Variants in ITGA9 observed in about 807,000 individuals in gnomAD.
The protein encoded by ITGA9 is integrin alpha-9.
A neutral mutation model predicts 127.8 loss-of-function variants in ITGA9; 56 were observed. The observed-to-expected ratio is 0.44, with a 90% CI of 0.35 to 0.55. The LOEUF (loss-of-function observed/expected upper bound fraction) is 0.55, where lower values mean the gene tolerates loss of function less well. Among genes scored for constraint, ITGA9 ranks in the 20% least tolerant of loss-of-function variants. The pLI is 0.00. For missense variants in ITGA9, 1,196 were observed against 1,347.1 expected, an observed-to-expected ratio of 0.89 and a Z score of 1.76; for synonymous variants, 508 against 514.5, an observed-to-expected ratio of 0.99 and a Z score of 0.17.
intron 1 of ITGA9, among the ~76,000 whole-genome samples, chr3:37,458,361 G>C (rs918497209): frequency 2.0e-5 from 3 of 152,200 alleles, no homozygotes; most frequent in African/African-American, 7.2e-5. Context: ...TTGGGGGCGG[G>C]TATTGCCTGT....
chr3:37,654,190 CCA>C (rs67516814), intron 17 of ITGA9, among the ~76,000 whole-genome samples: 25,049 of 146,186 alleles, frequency 0.17, 2,146 homozygotes, highest in Middle Eastern at 0.21. Flanking sequence ...CCTCCTGCCT[CCA>C]CACACACACA....
chr3:37,618,635 G>A (rs751434858), intron 15 of ITGA9, among the ~76,000 whole-genome samples: 20 of 152,206 alleles, frequency 1.3e-4, no homozygotes, highest in Non-Finnish European at 1.5e-4. Flanking sequence ...CAGCCACTTT[G>A]TTAACCTAGT....
chr3:37,557,205 G>C (rs1245764472), intron 15 of ITGA9, among the ~76,000 whole-genome samples: 4 of 152,144 alleles, frequency 2.6e-5, no homozygotes, highest in Non-Finnish European at 4.4e-5. Flanking sequence ...CTTTCTTGGG[G>C]CAAACAGAAT....
At chr3:37,678,309 A>G (rs1418830276) in intron 17 of ITGA9, among the ~76,000 whole-genome samples, 4 of 152,208 alleles carry the variant, frequency 2.6e-5, no homozygotes, top group Admixed American at 6.5e-5. Context: ...AAGGGTTTCA[A>G]TTTCTCCACA....
At chr3:37,635,910 C>T (rs1398184774) in intron 16 of ITGA9, among the ~76,000 whole-genome samples, 1 of 151,714 alleles carries the variant, frequency 6.6e-6, no homozygotes, top group Non-Finnish European at 1.5e-5. Context: ...CGATAGTTTG[C>T]TGAGAATGAT....
chr3:37,618,034 C>T (rs1003643357), intron 15 of ITGA9, among the ~76,000 whole-genome samples: 2 of 152,230 alleles, frequency 1.3e-5, no homozygotes, highest in Non-Finnish European at 2.9e-5. Context: ...GGAGGAGAGG[C>T]ACTCTCATTT....
At chr3:37,695,984 G>T (rs1700881339) in intron 18 of ITGA9, among the ~76,000 whole-genome samples, 1 of 152,196 alleles carries the variant, frequency 6.6e-6, no homozygotes, top group East Asian at 1.9e-4. Context: ...CCCTGATGGT[G>T]CTTTTTGGTT....
In ITGA9 at chr3:37,494,455, C is replaced by T. The variant is rs375012453; in HGVS notation, c.545-46C>T. 24 of 1,386,122 alleles carry T rather than the reference C, an allele frequency of 1.7e-5. No homozygotes were observed. In the African/African-American group the frequency reaches 2.4e-4, roughly 14 times the overall value. 85.9% of individuals were successfully genotyped at this position (1,386,122 alleles called of 1,614,324 possible). A position where few individuals can be genotyped will look rare whatever the true frequency, so the allele number is the denominator to read the frequency against. On this transcript the variant is annotated intron_variant, in intron 4 of 27. Coordinates refer to ENST00000264741, the MANE Select transcript of ITGA9 (RefSeq NM_002207.3). ...GCTGGCTCCACGCACAGCTGGCATA[C>T]ACTGACATGGCTGTGGTTTGCTTCT...
At chr3:37,642,948 A>G (rs1166276925) in intron 16 of ITGA9, among the ~76,000 whole-genome samples, 1 of 152,248 alleles carries the variant, frequency 6.6e-6, no homozygotes, top group Non-Finnish European at 1.5e-5. Context: ...AGCTGGCTTA[A>G]CATGCCATTA....
intron 8 of ITGA9, among the ~76,000 whole-genome samples, chr3:37,510,609 C>T (rs890678459): frequency 2.6e-5 from 4 of 152,148 alleles, no homozygotes; most frequent in Non-Finnish European, 4.4e-5. Flanking sequence ...GTCTAAACTT[C>T]CTGAAGACTT....
intron 16 of ITGA9, among the ~76,000 whole-genome samples, chr3:37,646,832 G>T (rs1700382552): frequency 6.6e-6 from 1 of 152,086 alleles, no homozygotes; most frequent in Non-Finnish European, 1.5e-5. Flanking sequence ...TATTGGGATT[G>T]TTCCCTCAGA....
At chr3:37,638,527 G>A (rs560934503) in intron 16 of ITGA9, among the ~76,000 whole-genome samples, 4 of 151,972 alleles carry the variant, frequency 2.6e-5, no homozygotes, top group African/African-American at 9.6e-5. Flanking sequence ...TGAGAGTGAG[G>A]CCCACTGCAG....
intron 20 of ITGA9, among the ~76,000 whole-genome samples, chr3:37,740,254 G>T (rs1276382616): frequency 6.6e-6 from 1 of 152,088 alleles, no homozygotes; most frequent in Non-Finnish European, 1.5e-5. Flanking sequence ...GCGTGGTGGG[G>T]AACAGTCAGG....
intron 18 of ITGA9, among the ~76,000 whole-genome samples, chr3:37,716,903 A>G (rs940841723): frequency 1.1e-4 from 16 of 152,152 alleles, no homozygotes; most frequent in Non-Finnish European, 1.5e-5. Context: ...TCATCATTTA[A>G]TTATATTAGG....
At chr3:37,467,301 AG>A (rs1397474029) in intron 1 of ITGA9, among the ~76,000 whole-genome samples, 1 of 152,216 alleles carries the variant, frequency 6.6e-6, no homozygotes, top group East Asian at 1.9e-4. Flanking sequence ...TTGAACTGAA[AG>A]GTTGTTATCA....
intron 15 of ITGA9, among the ~76,000 whole-genome samples, chr3:37,543,773 A>T (rs1345999254): frequency 6.6e-6 from 1 of 152,024 alleles, no homozygotes; most frequent in Non-Finnish European, 1.5e-5. Flanking sequence ...TGCCCCACAC[A>T]CCCATGGCCC....
intron 15 of ITGA9, among the ~76,000 whole-genome samples, chr3:37,614,564 C>T (rs1457225808): frequency 4.6e-5 from 7 of 151,038 alleles, no homozygotes; most frequent in African/African-American, 1.7e-4. Context: ...GCAGTATGGC[C>T]ATTTTCACGA....
intron 17 of ITGA9, among the ~76,000 whole-genome samples, chr3:37,682,681 T>G (rs570212637): frequency 6.6e-6 from 1 of 152,334 alleles, no homozygotes; most frequent in South Asian, 2.1e-4. Context: ...CTGCTGAACC[T>G]TCTCAACCCA....
intron 17 of ITGA9, 85 bp from the exon 18 acceptor site, chr3:37,683,780 C>G: frequency 7.2e-7 from 1 of 1,393,626 alleles, no homozygotes; most frequent in Admixed American, 1.8e-5. Context: ...TCGGTTTCTG[C>G]CCCCCACCTT....
Sources: gnomAD v4.1 joint callset for allele counts (sites outside exome capture counted in the v4.1 genomes callset) on GRCh38, gnomAD v4.1.1 for gene constraint, MANE v1.5 for transcripts, NCBI Gene and HGNC (gene_info 2026-07-23, HGNC 2026-07-21) for gene names.